Variants in GPATCH2 observed in about 807,000 individuals in gnomAD.
The protein encoded by GPATCH2 is G-patch domain containing 2.
Under a neutral mutation model 58.0 loss-of-function variants are expected in GPATCH2, and 51 were observed. The ratio of observed to expected loss-of-function variants is 0.88; its 90% confidence interval spans 0.70 to 1.11. The LOEUF is 1.11. GPATCH2 is among the 50% of genes most tolerant of loss of function. The probability of loss-of-function intolerance (pLI) is 0.00; values close to 1 mark genes in which losing one functional copy is unlikely to be tolerated. For missense variants in GPATCH2, 625 were observed against 652.2 expected (o/e 0.96, Z 0.45); for synonymous variants, 222 against 218.5 (o/e 1.02, Z -0.14).
chr1:217,447,877 C>T (rs964892771), intron 9 of GPATCH2, among the ~76,000 whole-genome samples: 3 of 152,252 alleles, frequency 2.0e-5, no homozygotes, highest in Admixed American at 2.0e-4. Flanking sequence ...GTGGGCGGAT[C>T]ACCTGAGGTC....
At chr1:217,488,171 T>C (rs1339501614) in intron 8 of GPATCH2, among the ~76,000 whole-genome samples, 1 of 152,180 alleles carries the variant, frequency 6.6e-6, no homozygotes, top group East Asian at 1.9e-4. Context: ...GCCTGGTAAG[T>C]GATTAATTTT....
At chr1:217,473,240 T>C (rs1474797225) in intron 8 of GPATCH2, among the ~76,000 whole-genome samples, 1 of 152,006 alleles carries the variant, frequency 6.6e-6, no homozygotes, top group African/African-American at 2.4e-5. Context: ...AGTATTTCTG[T>C]CTAAAAAACA....
At chr1:217,568,036 G>A (rs968572478) in intron 5 of GPATCH2, among the ~76,000 whole-genome samples, 1 of 152,136 alleles carries the variant, frequency 6.6e-6, no homozygotes, top group Non-Finnish European at 1.5e-5. Flanking sequence ...AGAATGGTGT[G>A]AACCCAGGAG....
intron 5 of GPATCH2, among the ~76,000 whole-genome samples, chr1:217,548,340 T>G (rs1665171949): frequency 6.6e-6 from 1 of 152,126 alleles, no homozygotes. Context: ...TGAAATAATC[T>G]ATACGACAAT....
intron 5 of GPATCH2, among the ~76,000 whole-genome samples, chr1:217,594,680 C>A (rs560477865): frequency 6.6e-6 from 1 of 152,100 alleles, no homozygotes; most frequent in South Asian, 2.1e-4. Context: ...TCTTAATTCA[C>A]TTTTTAAAAA....
intron 8 of GPATCH2, among the ~76,000 whole-genome samples, chr1:217,468,562 C>G (rs7535798): frequency 0.16 from 19,997 of 128,876 alleles, 2,382 homozygotes; most frequent in African/African-American, 0.35. Context: ...CACACACACA[C>G]AGAGAGAAAG....
intron 5 of GPATCH2, among the ~76,000 whole-genome samples, chr1:217,528,050 G>A (rs910102308): frequency 7.2e-5 from 11 of 152,168 alleles, no homozygotes; most frequent in African/African-American, 2.7e-4. Context: ...TAGGATCTAA[G>A]CCAATGGAAG....
chr1:217,552,584 G>T (rs1489556865), intron 5 of GPATCH2, among the ~76,000 whole-genome samples: 2 of 152,132 alleles, frequency 1.3e-5, no homozygotes, highest in Non-Finnish European at 2.9e-5. Context: ...GGAACGAATG[G>T]TCAGGCCCCA....
chr1:217,494,534 T>A (rs1015934131), intron 7 of GPATCH2, among the ~76,000 whole-genome samples: 9 of 151,790 alleles, frequency 5.9e-5, no homozygotes, highest in African/African-American at 2.2e-4. Context: ...AAGTCGGGAG[T>A]TCGAAACCAG....
intron 9 of GPATCH2, among the ~76,000 whole-genome samples, chr1:217,434,728 T>G (rs1658729797): frequency 6.6e-6 from 1 of 152,202 alleles, no homozygotes; most frequent in Non-Finnish European, 1.5e-5. Context: ...TTTTCAGTCC[T>G]AAAGTGAACA....
At chr1:217,597,308 C>T (rs1299748523) in intron 5 of GPATCH2, among the ~76,000 whole-genome samples, 7 of 150,408 alleles carry the variant, frequency 4.7e-5, no homozygotes, top group African/African-American at 1.7e-4. Flanking sequence ...AACTACTGCA[C>T]TATAGCCTGG....
chr1:217,527,586 G>A (rs747693175), intron 5 of GPATCH2, among the ~76,000 whole-genome samples: 8 of 151,866 alleles, frequency 5.3e-5, no homozygotes, highest in Non-Finnish European at 7.4e-5. Context: ...TCTATGTCAG[G>A]AGGGAAACAA....
intron 3 of GPATCH2, 47 bp downstream of exon 3, chr1:217,614,094 G>T: frequency 3.0e-6 from 3 of 1,015,830 alleles, no homozygotes; most frequent in Non-Finnish European, 4.7e-6. Context: ...CTCCACTTTA[G>T]AATGAAGAAG....
chr1:217,436,750 G>T (rs1250452111), intron 9 of GPATCH2, among the ~76,000 whole-genome samples: 1 of 152,002 alleles, frequency 6.6e-6, no homozygotes, highest in African/African-American at 2.4e-5. Context: ...AGTATTATTG[G>T]CCCCATTTTG....
At chr1:217,564,652 A>G (rs543711728) in intron 5 of GPATCH2, among the ~76,000 whole-genome samples, 3 of 152,316 alleles carry the variant, frequency 2.0e-5, no homozygotes, top group African/African-American at 7.2e-5. Flanking sequence ...ATAATACAGC[A>G]GGTGTATGTG....
intron 5 of GPATCH2, among the ~76,000 whole-genome samples, chr1:217,552,955 A>T (rs1247370203): frequency 6.6e-6 from 1 of 152,132 alleles, no homozygotes; most frequent in East Asian, 1.9e-4. Context: ...CAGGAGTGTG[A>T]ATTTGAATTA....
intron 2 of GPATCH2, among the ~76,000 whole-genome samples, chr1:217,617,517 T>A (rs1346419646): frequency 6.6e-6 from 1 of 152,126 alleles, no homozygotes; most frequent in Non-Finnish European, 1.5e-5. Flanking sequence ...TAATCATCAA[T>A]GTTTGTTAAA....
chr1:217,559,865 A>G (rs1665831497), intron 5 of GPATCH2, among the ~76,000 whole-genome samples: 1 of 150,852 alleles, frequency 6.6e-6, no homozygotes, highest in Non-Finnish European at 1.5e-5. Flanking sequence ...AGACACAAAA[A>G]TCCAGAGGGA....
chr1:217,442,685 T>C lies in GPATCH2; in HGVS notation c.1366+6564A>G, dbSNP rs114083463. Among the ~76,000 whole-genome samples the C allele has an allele frequency of 9.8e-5, 15 of 152,290 alleles. No individual in the cohort carries two copies. In the East Asian group the frequency reaches 2.7e-3, roughly 27 times the overall value. On this transcript the variant is annotated intron_variant, in intron 9 of 9. Coordinates refer to ENST00000366935, the MANE Select transcript of GPATCH2 (RefSeq NM_018040.5). ...ACCTCAAGATTCATTTTGTTTGTTA[T>C]AAATCCAGCTACTCTAGCTTTCTTT...
Sources: allele counts gnomAD v4.1 joint callset (sites outside exome capture counted in the v4.1 genomes callset), GRCh38; gene constraint gnomAD v4.1.1; transcripts MANE v1.5; gene names NCBI Gene and HGNC (gene_info 2026-07-23, HGNC 2026-07-21).